Variants in SCUBE3 observed in about 807,000 individuals in gnomAD.
The protein encoded by SCUBE3 is signal peptide, CUB domain and EGF like domain containing 3, also known as signal peptide, CUB and EGF-like domain-containing protein 3.
In SCUBE3, 33 loss-of-function variants were observed where a neutral mutation model predicts 116.8. That is an observed-to-expected ratio of 0.28 (90% CI 0.21 to 0.38). SCUBE3 has a LOEUF of 0.38. SCUBE3 is among the 10% of genes least tolerant of loss of function. The probability of loss-of-function intolerance (pLI) is 1.00; values close to 1 mark genes in which losing one functional copy is unlikely to be tolerated. For missense variants in SCUBE3, 1,007 were observed against 1,324.8 expected, an observed-to-expected ratio of 0.76 and a Z score of 3.72; for synonymous variants, 418 against 496.9, an observed-to-expected ratio of 0.84 and a Z score of 2.11.
In SCUBE3 at chr6:35,235,766, C is replaced by T. The variant is rs1301978993; in HGVS notation, c.713-2136C>T. Reference sequence around the variant, plus strand: ...CTCTTCTGCTGTCTCCTCCCACACCCACCTTCTAACACCCCACCCCACTCC... The same window carrying T: ...CTCTTCTGCTGTCTCCTCCCACACCTACCTTCTAACACCCCACCCCACTCC... On this transcript the variant is annotated intron_variant, in intron 6 of 21. Coordinates refer to ENST00000274938, the MANE Select transcript of SCUBE3 (RefSeq NM_152753.4). This position sits in a 1 kb window ranked among gnomAD's most constrained non-coding sequence, Gnocchi z 4.5. Among the ~76,000 whole-genome samples, 1 of 152,188 alleles carries T rather than the reference C, an allele frequency of 6.6e-6. No homozygotes were observed. Among genetic ancestry groups the T allele is most frequent in the Non-Finnish European group, 1.5e-5 (1 of 68,034 alleles).
Position 35,214,365 on chromosome 6 carries a change from C to T in SCUBE3, c.-54C>T. The T allele has an allele frequency of 1.6e-6, 2 of 1,222,320 alleles. No homozygotes were observed. Among genetic ancestry groups the T allele is most frequent in the South Asian group, 1.8e-5 (1 of 54,948 alleles). The allele number at this position is 1,222,320 out of a possible 1,614,324, so 75.7% of individuals were successfully genotyped here. ...GAGCTGGGATCCGGCCGGCTTCCGC[C>T]CTCCCCTGGCCGCGAGACCGGCCCC... On this transcript the variant is annotated 5_prime_UTR_variant, in exon 1 of 22. Coordinates refer to ENST00000274938, the MANE Select transcript of SCUBE3 (RefSeq NM_152753.4). This position sits in a 1 kb window ranked among gnomAD's most constrained non-coding sequence, Gnocchi z 6.3.
chr6:35,217,824 C>CTGA (rs1255084426), intron 1 of SCUBE3, among the ~76,000 whole-genome samples: 4 of 152,172 alleles, frequency 2.6e-5, no homozygotes, highest in Non-Finnish European at 5.9e-5. Flanking sequence ...AGTCAGTTCC[C>CTGA]TCTAAGCCCA....
chr6:35,237,908 G>A lies in SCUBE3; in HGVS notation c.719G>A (p.Cys240Tyr). The A allele has an allele frequency of 1.2e-6, 2 of 1,604,948 alleles. No individual in the cohort carries two copies. Among genetic ancestry groups the A allele is most frequent in the Non-Finnish European group, 1.7e-6 (2 of 1,171,962 alleles). The change falls in exon 7 of 22, where the codon TGT becomes TAT. Residue 240 changes from cysteine (C) to tyrosine (Y), a missense_variant. Transcript: ENST00000274938. ...HTDGKTCIET[C>Y]AVNNGGCDSK... is the part of the protein sequence containing the mutation. Reference sequence around the variant, plus strand: ...CCACTTCCCTCCTAAACAGAGACCTGTGCTGTCAACAACGGGGGCTGTGAC... The same window carrying A: ...CCACTTCCCTCCTAAACAGAGACCTATGCTGTCAACAACGGGGGCTGTGAC...
Position 35,232,742 on chromosome 6 carries a change from C to A in SCUBE3, c.470-108C>A. 8.9e-7 allele frequency: 1 copy of A among 1,124,648 alleles called. No homozygotes were observed. The highest frequency in any genetic ancestry group is 1.3e-6 in the Non-Finnish European group (1 of 761,820). 69.7% of individuals were successfully genotyped at this position (1,124,648 alleles called of 1,614,324 possible). ...GTCAGTCCCCTCGTGTTGAATTCAA[C>A]CTCAGTAGAATTCTCCCAGTTCCCT... On this transcript the variant is annotated intron_variant, in intron 4 of 21. Coordinates refer to ENST00000274938, the MANE Select transcript of SCUBE3 (RefSeq NM_152753.4). This position sits in a 1 kb window ranked among gnomAD's most constrained non-coding sequence, Gnocchi z 4.2.
Position 35,252,482 on chromosome 6 carries a change from G to C in SCUBE3, c.*3777G>C, listed in dbSNP as rs967575260. ...GTCATATCTCAAAATGTCAGAAAAC[G>C]TTATAGAGCACTCGAACTTTTGTAT... On this transcript the variant is annotated 3_prime_UTR_variant, in exon 22 of 22. Coordinates refer to ENST00000274938, the MANE Select transcript of SCUBE3 (RefSeq NM_152753.4). 1 of 152,188 alleles carries C rather than the reference G, an allele frequency of 6.6e-6. No individual in the cohort carries two copies. The highest frequency in any genetic ancestry group is 1.5e-5 in the Non-Finnish European group (1 of 68,036). 9.4% of individuals were successfully genotyped at this position (152,188 alleles called of 1,614,324 possible).
rs1272585877 is a variant in SCUBE3 at position 35,245,876 on chromosome 6, GC to G, written c.2600-65del. The G allele has an allele frequency of 7.7e-6, 12 of 1,550,616 alleles. No homozygotes were observed. ...CTATACCCCCACCACCAGCTGTACA[GC>G]CCACGTTCTAGGAGGGCTTGGGTAG... On this transcript the variant is annotated intron_variant, in intron 19 of 21. Transcript: ENST00000274938. This position sits in a 1 kb window ranked among gnomAD's most constrained non-coding sequence, Gnocchi z 4.2.
In SCUBE3 at chr6:35,233,119, A is replaced by G; in HGVS notation, c.596-66A>G. ...CAACTAGGCAAGGGGGCCAGTACCC[A>G]CATTGTGGAAAACTGTGGATGCAGG... On this transcript the variant is annotated intron_variant, in intron 5 of 21. Coordinates refer to ENST00000274938, the MANE Select transcript of SCUBE3 (RefSeq NM_152753.4). The surrounding 1 kb of genome is among the most constrained non-coding windows in gnomAD (Gnocchi z 5.7). 6.7e-7 allele frequency: 1 copy of G among 1,486,742 alleles called. No homozygotes were observed. Among genetic ancestry groups the G allele is most frequent in the Non-Finnish European group, 9.4e-7 (1 of 1,069,070 alleles). 92.1% of individuals were successfully genotyped at this position (1,486,742 alleles called of 1,614,324 possible). A position where few individuals can be genotyped will look rare whatever the true frequency, so the allele number is the denominator to read the frequency against.
At chr6:35,247,438 CAA>C (rs368013054) in intron 21 of SCUBE3, among the ~76,000 whole-genome samples, 5 of 121,904 alleles carry the variant, frequency 4.1e-5, no homozygotes, top group Non-Finnish European at 8.2e-5. Context: ...GACTCAGTCT[CAA>C]AAAAAAAAAA....
In SCUBE3 at chr6:35,240,513, C is replaced by T; in HGVS notation, c.1069+23C>T. 7.7e-7 allele frequency: 1 copy of T among 1,306,576 alleles called. No individual in the cohort carries two copies. The highest frequency in any genetic ancestry group is 1.1e-6 in the Non-Finnish European group (1 of 916,220). 80.9% of individuals were successfully genotyped at this position (1,306,576 alleles called of 1,614,324 possible). A position where few individuals can be genotyped will look rare whatever the true frequency, so the allele number is the denominator to read the frequency against. On this transcript the variant is annotated intron_variant, in intron 9 of 21. Transcript: ENST00000274938. This position sits in a 1 kb window ranked among gnomAD's most constrained non-coding sequence, Gnocchi z 4.6. ...GGGGTAAGCTAGTAAGCTTGCACCC[C>T]CAGCCACCCTGGCCCCCTCACCTCT... is the stretch of plus-strand genomic sequence containing the variant.
rs76962670 is a variant in SCUBE3, at chr6:35,230,757, G to A, written c.335-968G>A. On this transcript the variant is annotated intron_variant, in intron 3 of 21. Transcript: ENST00000274938. ...TGCCCTGGCCAGAAGGGGAAGAGAA[G>A]GTTGCAGGATCTCAGCAGAGAGGAT... Among the ~76,000 whole-genome samples, 82 of 152,334 alleles carry A rather than the reference G, an allele frequency of 5.4e-4. No individual in the cohort carries two copies. The East Asian group carries it at 0.012, about 22-fold the overall frequency.
At chr6:35,220,981 C>G (rs1783099340) in intron 1 of SCUBE3, 1 of 152,202 alleles carries the variant, frequency 6.6e-6, no homozygotes, top group African/African-American at 2.4e-5. Context: ...GCCAATCTCC[C>G]TGGTTGCTAT....
Position 35,244,486 on chromosome 6 carries a change from T to C in SCUBE3, c.2240-164T>C, listed in dbSNP as rs1437590624. ...CCACTCTGTAAACTCTGTTTTTCCG[T>C]GGGCTTAAATTCTGGCATGACTGGG... On this transcript the variant is annotated intron_variant, in intron 17 of 21. Transcript: ENST00000274938. This position sits in a 1 kb window ranked among gnomAD's most constrained non-coding sequence, Gnocchi z 4.3. 1.3e-5 allele frequency among the ~76,000 whole-genome samples: 2 copies of C among 152,204 alleles called. No individual in the cohort carries two copies. Among genetic ancestry groups the C allele is most frequent in the Admixed American group, 6.5e-5 (1 of 15,286 alleles).
chr6:35,238,590 G>A (rs562456289), intron 7 of SCUBE3, among the ~76,000 whole-genome samples: 4 of 152,184 alleles, frequency 2.6e-5, no homozygotes, highest in East Asian at 1.9e-4. Context: ...CATAGTGCTC[G>A]CCTCATACTG....
chr6:35,229,721 A>AT, intron 3 of SCUBE3, among the ~76,000 whole-genome samples: 1 of 152,244 alleles, frequency 6.6e-6, no homozygotes, highest in Middle Eastern at 3.4e-3. Context: ...GGTCTCTGTC[A>AT]TTTTGGAAAA....
At position 35,241,845 on chromosome 6, in the gene SCUBE3, GC is replaced by G; in HGVS notation, c.1356del (p.Arg453GlyfsTer128). The G allele has an allele frequency of 6.2e-7, 1 of 1,613,156 alleles. No individual in the cohort carries two copies. The highest frequency in any genetic ancestry group is 8.5e-7 in the Non-Finnish European group (1 of 1,179,984). Reference protein sequence around the residue: ...NGFTVSCGTPSPRAAPARAGH... With the variant: ...NGFTVSCGTPXPRAAPARAGH... The stretch of plus-strand genomic sequence containing the variant: ...TTCACGGTGAGCTGTGGGACCCCCA[GC>G]CCCAGGGCTGCTCCAGCCCGAGCTG... On this transcript the variant is annotated frameshift_variant, in exon 12 of 22. Coordinates refer to ENST00000274938, the MANE Select transcript of SCUBE3 (RefSeq NM_152753.4). LOFTEE classifies it high-confidence loss of function. This position sits in a 1 kb window ranked among gnomAD's most constrained non-coding sequence, Gnocchi z 4.1.
rs1783980229 is a variant in SCUBE3, at chr6:35,240,317, G to A, written c.953-57G>A. 1 of 1,083,848 alleles carries A rather than the reference G, an allele frequency of 9.2e-7. No homozygotes were observed. Among genetic ancestry groups the A allele is most frequent in the African/African-American group, 1.6e-5 (1 of 62,792 alleles). The allele number at this position is 1,083,848 out of a possible 1,614,324, so 67.1% of individuals were successfully genotyped here. On this transcript the variant is annotated intron_variant, in intron 8 of 21. Transcript: ENST00000274938. The surrounding 1 kb of genome is among the most constrained non-coding windows in gnomAD (Gnocchi z 4.6). ...GGCCCCTCACTTGGGTCCTTCACCT[G>A]AGCAAGGGTCAAGTGCTCCAAGACA...
At chr6:35,237,559 T>C (rs1783827640) in intron 6 of SCUBE3, among the ~76,000 whole-genome samples, 1 of 152,026 alleles carries the variant, frequency 6.6e-6, no homozygotes, top group African/African-American at 2.4e-5. Context: ...CACCCTCACT[T>C]AGCTCCCATC....
chr6:35,242,423 G>A, intron 13 of SCUBE3, 103 bp downstream of exon 13: 1 of 987,672 alleles, frequency 1.0e-6, no homozygotes, highest in Non-Finnish European at 1.6e-6. Flanking sequence ...CTGAACTCTA[G>A]GCAGAGCAGA....
Position 35,214,311 on chromosome 6 carries a change from CG to C in SCUBE3, c.-104del, listed in dbSNP as rs1333467820. The C allele has an allele frequency of 1.8e-6, 1 of 563,084 alleles. No homozygotes were observed. Among genetic ancestry groups the C allele is most frequent in the Non-Finnish European group, 2.6e-6 (1 of 378,192 alleles). 34.9% of individuals were successfully genotyped at this position (563,084 alleles called of 1,614,324 possible). On this transcript the variant is annotated 5_prime_UTR_variant, in exon 1 of 22. Coordinates refer to ENST00000274938, the MANE Select transcript of SCUBE3 (RefSeq NM_152753.4). This position sits in a 1 kb window ranked among gnomAD's most constrained non-coding sequence, Gnocchi z 6.3. ...ACTGCAGCCCCCGGCCTGGCCCCGG[CG>C]GGGCGCCCCCTCCCCTCCCCCTCCT...
Sources: gnomAD v4.1 joint callset for allele counts (sites outside exome capture counted in the v4.1 genomes callset) on GRCh38, gnomAD v4.1.1 for gene constraint, Gnocchi (gnomAD v3.1) non-coding constraint, MANE v1.5 for transcripts, NCBI Gene and HGNC (gene_info 2026-07-23, HGNC 2026-07-21) for gene names.